Variants in MED13L observed in about 807,000 individuals in gnomAD.
MED13L encodes the protein mediator of RNA polymerase II transcription subunit 13-like.
In MED13L, 7 loss-of-function variants were observed where a neutral mutation model predicts 220.9. That is an observed-to-expected ratio of 0.03 (90% CI 0.02 to 0.06). The LOEUF (loss-of-function observed/expected upper bound fraction) is 0.06, where lower values mean the gene tolerates loss of function less well. MED13L is among the 10% of genes least tolerant of loss of function. MED13L has a pLI of 1.00. For synonymous variants in MED13L, 1,011 were observed against 1,015.2 expected (o/e 1.00, Z 0.08); for missense variants, 1,965 against 2,760.5 (o/e 0.71, Z 6.46).
chr12:116,128,015 T>C (rs907949678), intron 2 of MED13L, among the ~76,000 whole-genome samples: 6 of 152,204 alleles, frequency 3.9e-5, no homozygotes, highest in African/African-American at 1.4e-4. Flanking sequence ...TTTTCCTGTA[T>C]CTGGCTGTCT....
chr12:116,111,419 T>C lies in MED13L; in HGVS notation c.395+9A>G. ...TCTGCAAACCACTGTCTGCTGTTCCTTCTCTTACCTTTCTAACAGATTGTG... is the reference window on the plus strand; with the variant it reads ...TCTGCAAACCACTGTCTGCTGTTCCCTCTCTTACCTTTCTAACAGATTGTG... On this transcript the variant is annotated intron_variant, in intron 3 of 30. Coordinates refer to ENST00000281928, the MANE Select transcript of MED13L (RefSeq NM_015335.5). 1.2e-6 allele frequency: 2 copies of C among 1,610,652 alleles called. No individual in the cohort carries two copies. Among genetic ancestry groups the C allele is most frequent in the Non-Finnish European group, 1.7e-6 (2 of 1,177,608 alleles).
At chr12:116,276,416 A>G (rs1873838412) in intron 1 of MED13L, 1 of 1,287,082 alleles carries the variant, frequency 7.8e-7, no homozygotes, top group South Asian at 1.2e-5. Flanking sequence ...GAAAGAAGAA[A>G]AAGCTTTCTC....
chr12:116,062,489 T>G (rs1352899057), intron 4 of MED13L, among the ~76,000 whole-genome samples: 1 of 8,838 alleles, frequency 1.1e-4, no homozygotes, highest in Non-Finnish European at 2.1e-4. Context: ...TCTCTCTGTG[T>G]TTTTTTTTTT....
chr12:116,047,675 T>C (rs1881921959), intron 4 of MED13L, among the ~76,000 whole-genome samples: 1 of 152,232 alleles, frequency 6.6e-6, no homozygotes, highest in Non-Finnish European at 1.5e-5. Flanking sequence ...CAGGGTCTTC[T>C]GACAGATCTA....
intron 2 of MED13L, among the ~76,000 whole-genome samples, chr12:116,195,175 C>A (rs1175002056): frequency 6.6e-6 from 1 of 152,110 alleles, no homozygotes; most frequent in East Asian, 1.9e-4. Flanking sequence ...GCCACACTAT[C>A]CCACTGCCTG....
chr12:116,164,870 A>T (rs1879133857), intron 2 of MED13L, among the ~76,000 whole-genome samples: 2 of 152,232 alleles, frequency 1.3e-5, no homozygotes, highest in South Asian at 4.1e-4. Context: ...AAATATTTCA[A>T]GTTATGTTTA....
intron 4 of MED13L, among the ~76,000 whole-genome samples, chr12:116,053,216 A>G (rs928889712): frequency 6.6e-6 from 1 of 152,206 alleles, no homozygotes; most frequent in Non-Finnish European, 1.5e-5. Context: ...ACAAGTGATT[A>G]GGGAGTTAAA....
intron 30 of MED13L, chr12:115,962,559 T>C (rs1875838303): frequency 6.6e-6 from 1 of 152,194 alleles, no homozygotes; most frequent in Non-Finnish European, 1.5e-5. Context: ...ATAACTATAA[T>C]TATACATTAA....
intron 2 of MED13L, among the ~76,000 whole-genome samples, chr12:116,176,624 T>C (rs1880084666): frequency 6.6e-6 from 1 of 152,042 alleles, no homozygotes; most frequent in African/African-American, 2.4e-5. Context: ...ACAACAAAAG[T>C]TATCTCTGGA....
intron 4 of MED13L, among the ~76,000 whole-genome samples, chr12:116,029,501 C>T (rs1166242862): frequency 1.3e-5 from 2 of 151,864 alleles, no homozygotes; most frequent in African/African-American, 4.8e-5. Flanking sequence ...AACCCATCTA[C>T]GTATTGCACA....
rs1232256563 is a variant in MED13L, at chr12:116,277,676, G to T, written c.-545C>A. The stretch of plus-strand genomic sequence containing the variant: ...TCGCTTCTCCTCCCTCCCCGGGCTC[G>T]CTTGCTCTGACAGCAATGGCGGCCG... On this transcript the variant is annotated 5_prime_UTR_variant, in exon 1 of 31. Coordinates refer to ENST00000281928, the MANE Select transcript of MED13L (RefSeq NM_015335.5). Among the ~76,000 whole-genome samples, 3 of 149,342 alleles carry T rather than the reference G, an allele frequency of 2.0e-5. No individual in the cohort carries two copies. Among genetic ancestry groups the T allele is most frequent in the East Asian group, 2.0e-4 (1 of 5,074 alleles).
At chr12:116,261,110 T>G (rs887689450) in intron 1 of MED13L, among the ~76,000 whole-genome samples, 1 of 152,128 alleles carries the variant, frequency 6.6e-6, no homozygotes, top group Non-Finnish European at 1.5e-5. Context: ...AAGGCCCCAC[T>G]CTACCCATTG....
intron 2 of MED13L, among the ~76,000 whole-genome samples, chr12:116,201,640 T>C (rs1269771428): frequency 6.6e-6 from 1 of 152,194 alleles, no homozygotes; most frequent in Non-Finnish European, 1.5e-5. Flanking sequence ...GGGGGATCTG[T>C]ACAGGTGAGC....
chr12:115,966,012 T>C, intron 29 of MED13L, 70 bp downstream of exon 29: 1 of 1,571,646 alleles, frequency 6.4e-7, no homozygotes. Flanking sequence ...AACTGAAATT[T>C]CTAACCAAAA....
At chr12:116,156,351 G>GGAAT (rs1328188288) in intron 2 of MED13L, among the ~76,000 whole-genome samples, 1 of 146,036 alleles carries the variant, frequency 6.8e-6, no homozygotes, top group Non-Finnish European at 1.5e-5. Flanking sequence ...AACAAATGAA[G>GGAAT]GAATACTGGA....
At chr12:116,139,655 C>T (rs1876883800) in intron 2 of MED13L, among the ~76,000 whole-genome samples, 1 of 151,978 alleles carries the variant, frequency 6.6e-6, no homozygotes, top group African/African-American at 2.4e-5. Flanking sequence ...GCACATAGTA[C>T]CTAGCAAACG....
At chr12:116,077,395 A>C (rs1312237150) in intron 4 of MED13L, among the ~76,000 whole-genome samples, 1 of 152,238 alleles carries the variant, frequency 6.6e-6, no homozygotes, top group East Asian at 1.9e-4. Context: ...ATAGATAACA[A>C]AACAAATATA....
rs761708192 is a variant in MED13L at position 115,991,675 on chromosome 12, G to A, written c.3279C>T (p.Asn1093=). The change falls in exon 17 of 31, where the codon AAC becomes AAT. Residue 1093 remains asparagine (N), a synonymous_variant. Coordinates refer to ENST00000281928, the MANE Select transcript of MED13L (RefSeq NM_015335.5). This position sits in a 1 kb window ranked among gnomAD's most constrained non-coding sequence, Gnocchi z 7.7. ...GCTGCATGGTGGCGGGCTCCACAGAGTTGAGGGGCCGTGTAGTAGAGGGGG... is the reference window on the plus strand; with the variant it reads ...GCTGCATGGTGGCGGGCTCCACAGAATTGAGGGGCCGTGTAGTAGAGGGGG... ...ASTPSTTRPL[N]SVEPATMQPI... The A allele has an allele frequency of 2.5e-6, 4 of 1,614,090 alleles. No individual in the cohort carries two copies. The highest frequency in any genetic ancestry group is 3.4e-6 in the Non-Finnish European group (4 of 1,180,012).
At chr12:116,134,840 G>A (rs1205875232) in intron 2 of MED13L, among the ~76,000 whole-genome samples, 1 of 151,980 alleles carries the variant, frequency 6.6e-6, no homozygotes, top group African/African-American at 2.4e-5. Context: ...TAAAAAATAG[G>A]ATTTATGGTT....
Sources: gnomAD v4.1 joint callset for allele counts (sites outside exome capture counted in the v4.1 genomes callset) on GRCh38, gnomAD v4.1.1 for gene constraint, Gnocchi (gnomAD v3.1) non-coding constraint, MANE v1.5 for transcripts, NCBI Gene and HGNC (gene_info 2026-07-23, HGNC 2026-07-21) for gene names.